PDE8B: variants seen among roughly 807,000 people sequenced by gnomAD.
PDE8B encodes high affinity cAMP-specific and IBMX-insensitive 3',5'-cyclic phosphodiesterase 8B.
Under a neutral mutation model 101.3 loss-of-function variants are expected in PDE8B, and 26 were observed. That is an observed-to-expected ratio of 0.26 (90% confidence interval 0.19 to 0.36). The LOEUF is 0.36. Among genes scored for constraint, PDE8B ranks in the 10% least tolerant of loss-of-function variants. The pLI is 1.00. For synonymous variants in PDE8B, 424 were observed against 429.3 expected, an observed-to-expected ratio of 0.99 and a Z score of 0.15; for missense variants, 810 against 1,163.1, an observed-to-expected ratio of 0.70 and a Z score of 4.42.
At chr5:77,248,254 C>T (rs570638432) in intron 1 of PDE8B, among the ~76,000 whole-genome samples, 46 of 152,264 alleles carry the variant, frequency 3.0e-4, no homozygotes, top group African/African-American at 1.1e-3. Flanking sequence ...AACCCAAGGG[C>T]CAAGAATGCT....
intron 10 of PDE8B, among the ~76,000 whole-genome samples, chr5:77,386,736 C>T (rs867508034): frequency 1.6e-4 from 24 of 151,942 alleles, no homozygotes; most frequent in African/African-American, 5.3e-4. Flanking sequence ...ATCCAATTTG[C>T]CAGTCTGTGT....
At chr5:77,364,003 C>T (rs762543499) in intron 10 of PDE8B, among the ~76,000 whole-genome samples, 12 of 152,098 alleles carry the variant, frequency 7.9e-5, no homozygotes, top group Admixed American at 2.6e-4. Flanking sequence ...GGCCTGTTTA[C>T]GTGATGTGCC....
chr5:77,133,648 T>C, the PDE8B span, among the ~76,000 whole-genome samples: 3 of 152,210 alleles, frequency 2.0e-5, no homozygotes, highest in Non-Finnish European at 2.9e-5. Context: ...TCTAAAACTG[T>C]CACCTTTGGT....
At chr5:77,289,444 A>T (rs770479808) in intron 1 of PDE8B, among the ~76,000 whole-genome samples, 1 of 152,226 alleles carries the variant, frequency 6.6e-6, no homozygotes, top group African/African-American at 2.4e-5. Flanking sequence ...CATTTCCCAC[A>T]TCTTATCTTT....
chr5:77,349,545 A>G lies in PDE8B; in HGVS notation c.1003A>G (p.Ile335Val), dbSNP rs1351454351. The change falls in exon 8 of 22, where the codon ATC (isoleucine) becomes GTC (valine). Residue 335 changes from isoleucine to valine, a missense_variant. Physicochemically the swap from Ile to Val is conservative, Grantham distance 29 (BLOSUM62 3). Coordinates refer to ENST00000264917, the MANE Select transcript of PDE8B (RefSeq NM_003719.5). Reference sequence around the variant, plus strand: ...CCTTCTCGACACCATCAATACATGCATCAAGAAGGGAAAGGTGGGTTACAC... The same window carrying G: ...CCTTCTCGACACCATCAATACATGCGTCAAGAAGGGAAAGGTGGGTTACAC... ...ADLLDTINTC[I>V]KKGKEWQGVY... The G allele has an allele frequency of 1.2e-6, 2 of 1,614,192 alleles. No individual in the cohort carries two copies. The highest frequency in any genetic ancestry group is 2.2e-5 in the South Asian group (2 of 91,080).
chr5:77,322,019 G>A (rs1353054433), intron 2 of PDE8B, among the ~76,000 whole-genome samples: 1 of 152,172 alleles, frequency 6.6e-6, no homozygotes, highest in African/African-American at 2.4e-5. Flanking sequence ...AGGAGATCCC[G>A]GGCAAGAGCC....
chr5:77,159,374 T>G, the PDE8B span, among the ~76,000 whole-genome samples: 1 of 152,148 alleles, frequency 6.6e-6, no homozygotes, highest in African/African-American at 2.4e-5. Flanking sequence ...CCAGCAGATA[T>G]AAAGCAGGCA....
chr5:77,290,261 T>C lies in PDE8B; in HGVS notation c.340-21733T>C. 3.2e-6 allele frequency: 5 copies of C among 1,557,098 alleles called. No homozygotes were observed. The South Asian group carries it at 4.7e-5, about 15-fold the overall frequency. ...TCCTTGGACCTTGGAGCAGGCCTGCTGCCTTCATGTCCACTCTCCTCATCA... is the reference window on the plus strand; with the variant it reads ...TCCTTGGACCTTGGAGCAGGCCTGCCGCCTTCATGTCCACTCTCCTCATCA... On this transcript the variant is annotated intron_variant, in intron 1 of 21. Transcript: ENST00000264917.
At chr5:77,336,206 A>T (rs1409198648) in intron 5 of PDE8B, among the ~76,000 whole-genome samples, 1 of 151,874 alleles carries the variant, frequency 6.6e-6, no homozygotes, top group Non-Finnish European at 1.5e-5. Context: ...CTTTTTTTTC[A>T]ATTGAGATGA....
chr5:77,420,019 A>G, intron 19 of PDE8B, 132 bp downstream of exon 19: 2 of 1,011,598 alleles, frequency 2.0e-6, no homozygotes, highest in Non-Finnish European at 3.0e-6. Context: ...AAGGGCTGAA[A>G]GGACTGGCCA....
In PDE8B at chr5:77,344,989, C is replaced by G. The variant is rs1779891601; in HGVS notation, c.876+58C>G. ...TCAAAATGAACCTTTCAGGTTTAAG[C>G]CACACTTTTTATCAAGTACTTTCCC... is the stretch of plus-strand genomic sequence containing the variant. On this transcript the variant is annotated intron_variant, in intron 7 of 21. Coordinates refer to ENST00000264917, the MANE Select transcript of PDE8B (RefSeq NM_003719.5). 3 of 1,135,604 alleles carry G rather than the reference C, an allele frequency of 2.6e-6. No homozygotes were observed. In the Admixed American group the frequency reaches 5.1e-5, roughly 19 times the overall value. The allele number at this position is 1,135,604 out of a possible 1,614,324, so 70.3% of individuals were successfully genotyped here. A position where few individuals can be genotyped will look rare whatever the true frequency, so the allele number is the denominator to read the frequency against.
chr5:77,173,247 T>A, the PDE8B span, among the ~76,000 whole-genome samples: 1 of 152,232 alleles, frequency 6.6e-6, no homozygotes, highest in African/African-American at 2.4e-5. Context: ...GGATTAGTAC[T>A]ATTTATCTTC....
rs370696702 is a variant in PDE8B at position 77,329,022 on chromosome 5, C to G, written c.615C>G (p.Ser205=). The G allele has an allele frequency of 1.5e-5, 25 of 1,614,046 alleles. No individual in the cohort carries two copies. The highest frequency in any genetic ancestry group is 2.1e-5 in the Non-Finnish European group (25 of 1,179,930). Residue 205 remains serine, a synonymous_variant, in exon 4 of 22, where the codon TCC becomes TCG. Coordinates refer to ENST00000264917, the MANE Select transcript of PDE8B (RefSeq NM_003719.5). ...GGTCGATCCGGGCCACAAATCCCTC[C>G]GAGCACACGGTGATCCTCGCAGTGG... ...VCRSIRATNP[S]EHTVILAVVS... is the part of the protein sequence containing the mutation.
At chr5:77,265,870 G>T (rs2149734478) in intron 1 of PDE8B, among the ~76,000 whole-genome samples, 1 of 152,314 alleles carries the variant, frequency 6.6e-6, no homozygotes, top group Admixed American at 6.5e-5. Flanking sequence ...AGTTGTCCTT[G>T]ATCAAGATGT....
In PDE8B at chr5:77,244,268, C is replaced by T. The variant is rs151297408; in HGVS notation, c.339+33004C>T. Among the ~76,000 whole-genome samples the T allele has an allele frequency of 9.6e-3, 1,455 of 152,282 alleles. 20 individuals carry two copies. Among genetic ancestry groups the T allele is most frequent in the Non-Finnish European group, 0.015 (988 of 68,020 alleles). The stretch of plus-strand genomic sequence containing the variant: ...CACAGTAGGACTCCAGCTGTAGGCT[C>T]AGCTCTAGAGAGGAAGACTGAAAAC... On this transcript the variant is annotated intron_variant, in intron 1 of 21. Coordinates refer to ENST00000264917, the MANE Select transcript of PDE8B (RefSeq NM_003719.5).
the PDE8B span, among the ~76,000 whole-genome samples, chr5:77,152,635 C>A: frequency 1.3e-5 from 2 of 152,174 alleles, no homozygotes; most frequent in South Asian, 4.1e-4. Context: ...GCATTGTTAA[C>A]AAAGCTCATT....
At chr5:77,397,102 G>C (rs1016079828) in intron 10 of PDE8B, among the ~76,000 whole-genome samples, 1 of 133,484 alleles carries the variant, frequency 7.5e-6, no homozygotes. Flanking sequence ...GCATGATCTC[G>C]GCTCACTGTA....
chr5:77,321,968 C>T (rs887188819), intron 2 of PDE8B, among the ~76,000 whole-genome samples: 3 of 152,160 alleles, frequency 2.0e-5, no homozygotes, highest in African/African-American at 7.2e-5. Context: ...CAGGGCCACA[C>T]TGGGAAGCAC....
intron 1 of PDE8B, among the ~76,000 whole-genome samples, chr5:77,277,681 A>G (rs1467521833): frequency 6.6e-6 from 1 of 151,830 alleles, no homozygotes; most frequent in Admixed American, 6.6e-5. Flanking sequence ...TCTTTTGTTC[A>G]TTTTACAGGA....
Sources: gnomAD v4.1 joint callset for allele counts (sites outside exome capture counted in the v4.1 genomes callset) on GRCh38, gnomAD v4.1.1 for gene constraint, MANE v1.5 for transcripts, NCBI Gene and HGNC (gene_info 2026-07-23, HGNC 2026-07-21) for gene names.